The following N4BP2 variants were observed in gnomAD, a reference collection of about 807,000 sequenced individuals.
The protein encoded by N4BP2 is NEDD4 binding protein 2.
Under a neutral mutation model 152.8 loss-of-function variants are expected in N4BP2, and 91 were observed. The observed-to-expected ratio is 0.60, with a 90% CI of 0.50 to 0.71. N4BP2 has a LOEUF of 0.71. Among genes scored for constraint, N4BP2 ranks in the 30% least tolerant of loss-of-function variants. The probability of loss-of-function intolerance (pLI) is 0.00; values close to 1 mark genes in which losing one functional copy is unlikely to be tolerated. For synonymous variants in N4BP2, 646 were observed against 705.3 expected (o/e 0.92, Z 1.33); for missense variants, 1,923 against 2,059.1 (o/e 0.93, Z 1.28).
At chr4:40,163,445 A>G in the N4BP2 span, among the ~76,000 whole-genome samples, 2 of 152,214 alleles carry the variant, frequency 1.3e-5, no homozygotes, top group African/African-American at 4.8e-5. Context: ...AATCATGGCA[A>G]TGCCATTTCC....
intron 2 of N4BP2, chr4:40,083,094 G>T: frequency 5.6e-6 from 1 of 177,752 alleles, no homozygotes. Flanking sequence ...TCTGTATTAT[G>T]AAGCGGGGTT....
chr4:40,058,606 T>TC (rs1733406596), intron 1 of N4BP2, among the ~76,000 whole-genome samples: 1 of 152,196 alleles, frequency 6.6e-6, no homozygotes, highest in Non-Finnish European at 1.5e-5. Flanking sequence ...GTGTACTTGT[T>TC]GACTTTAGTT....
At chr4:40,093,720 G>A (rs1252155555) in intron 2 of N4BP2, among the ~76,000 whole-genome samples, 1 of 152,034 alleles carries the variant, frequency 6.6e-6, no homozygotes, top group Non-Finnish European at 1.5e-5. Context: ...GGGTTCAAAC[G>A]ATTCTCCTGC....
the N4BP2 span, among the ~76,000 whole-genome samples, chr4:40,174,631 T>G: frequency 1.3e-5 from 2 of 152,012 alleles, no homozygotes; most frequent in African/African-American, 4.8e-5. Flanking sequence ...GGTGAAACCC[T>G]GTCTCTACTA....
At chr4:40,175,342 A>G in the N4BP2 span, among the ~76,000 whole-genome samples, 2 of 122,716 alleles carry the variant, frequency 1.6e-5, no homozygotes, top group Non-Finnish European at 3.7e-5. Context: ...AATATAGAAA[A>G]AAAAAAAAAA....
chr4:40,084,048 C>G (rs368279259), intron 2 of N4BP2, among the ~76,000 whole-genome samples: 1 of 152,196 alleles, frequency 6.6e-6, no homozygotes, highest in Non-Finnish European at 1.5e-5. Context: ...CAACCTCCCC[C>G]TCCTGGGTTC....
intron 1 of N4BP2, among the ~76,000 whole-genome samples, chr4:40,061,227 T>G (rs1476462999): frequency 6.6e-6 from 1 of 152,056 alleles, no homozygotes; most frequent in African/African-American, 2.4e-5. Flanking sequence ...TGGAGTGCAG[T>G]GGCATAATCT....
At chr4:40,159,871 A>C (rs1033471265), downstream of N4BP2, among the ~76,000 whole-genome samples, 1 of 151,890 alleles carries the variant, frequency 6.6e-6, no homozygotes, top group Non-Finnish European at 1.5e-5. Context: ...AGGAAATCAC[A>C]GTTGTTGTTG....
Position 40,147,580 on chromosome 4 carries a change from T to C in N4BP2, c.5143+2780T>C, listed in dbSNP as rs971633556. On this transcript the variant is annotated intron_variant, in intron 16 of 17. Transcript: ENST00000261435. ...CTCCCGGACATGGCGGCTGGCCGGG[T>C]GGGGGCTGACCCCCCCACCTCCCTC... is the stretch of plus-strand genomic sequence containing the variant. Among the ~76,000 whole-genome samples, 32 of 132,258 alleles carry C rather than the reference T, an allele frequency of 2.4e-4. No homozygotes were observed. The East Asian group carries it at 6.2e-3, about 26-fold the overall frequency. The allele number at this position is 132,258 out of a possible 152,430, so 86.8% of individuals were successfully genotyped here.
intron 5 of N4BP2, 61 bp downstream of exon 5, chr4:40,107,085 T>A: frequency 6.4e-7 from 1 of 1,551,732 alleles, no homozygotes; most frequent in Non-Finnish European, 8.8e-7. Context: ...AAAATTCACT[T>A]AGTATTTGTT....
At chr4:40,087,285 A>G (rs1714070881) in intron 2 of N4BP2, among the ~76,000 whole-genome samples, 1 of 151,830 alleles carries the variant, frequency 6.6e-6, no homozygotes, top group Non-Finnish European at 1.5e-5. Flanking sequence ...AATTTTTTTT[A>G]AAGGAGGGGA....
chr4:40,142,203 C>T (rs940769840), intron 14 of N4BP2: 5 of 243,898 alleles, frequency 2.1e-5, no homozygotes, highest in African/African-American at 1.2e-4. Flanking sequence ...AGCCTCTGCA[C>T]TTATTCTCTT....
the N4BP2 span, among the ~76,000 whole-genome samples, chr4:40,172,284 T>A: frequency 6.6e-6 from 1 of 152,180 alleles, no homozygotes; most frequent in South Asian, 2.1e-4. Flanking sequence ...GGCAGCTGAT[T>A]AGATTGTGCC....
chr4:40,118,096 G>A (rs1006706260), intron 8 of N4BP2, 72 bp downstream of exon 8: 4 of 1,263,636 alleles, frequency 3.2e-6, no homozygotes, highest in Non-Finnish European at 4.2e-6. Context: ...TTTGGAGCTT[G>A]TGGAATCATT....
At position 40,156,697 on chromosome 4, in the gene N4BP2, T is replaced by G. The variant is rs1487795803; in HGVS notation, c.*2460T>G. On this transcript the variant is annotated 3_prime_UTR_variant, in exon 18 of 18. Coordinates refer to ENST00000261435, the MANE Select transcript of N4BP2 (RefSeq NM_018177.6). ...AAAGATAGTTTGGAGATTATAAAAA[T>G]TTTCATGTATTGGTGTAGGTTGAGT... The G allele has an allele frequency of 6.6e-6, 1 of 151,476 alleles. No individual in the cohort carries two copies. The highest frequency in any genetic ancestry group is 1.9e-4 in the East Asian group (1 of 5,200). 9.4% of individuals were successfully genotyped at this position (151,476 alleles called of 1,614,324 possible).
rs1553926171 is a variant in N4BP2, at chr4:40,136,379, T to TATCTATCTATCTATCTATCTATC, written c.4647-549_4647-548insATCTATCATCTATCTATCTATCT. The stretch of plus-strand genomic sequence containing the variant: ...CTATCTATCTATCTATCTATCTATC[T>TATCTATCTATCTATCTATCTATC]ATCTATCTATCTATCTTTTTTTTGA... On this transcript the variant is annotated intron_variant, in intron 13 of 17. Transcript: ENST00000261435. 2.6e-3 allele frequency among the ~76,000 whole-genome samples: 395 copies of TATCTATCTATCTATCTATCTATC among 150,354 alleles called. 2 individuals carry two copies. The highest frequency in any genetic ancestry group is 4.0e-3 in the Non-Finnish European group (268 of 67,616).
chr4:40,159,429 G>A (rs547592736), downstream of N4BP2, among the ~76,000 whole-genome samples: 22 of 152,110 alleles, frequency 1.4e-4, no homozygotes, highest in Non-Finnish European at 2.5e-4. Flanking sequence ...GACGCTTTTG[G>A]GAATCTAGGA....
intron 5 of N4BP2, among the ~76,000 whole-genome samples, chr4:40,107,969 G>A (rs1716483988): frequency 1.3e-5 from 2 of 151,262 alleles, no homozygotes. Context: ...TGTTGCCCTG[G>A]CTGCAGTGCA....
chr4:40,119,626 G>A (rs1717668894), intron 8 of N4BP2, among the ~76,000 whole-genome samples: 1 of 152,106 alleles, frequency 6.6e-6, no homozygotes, highest in African/African-American at 2.4e-5. Context: ...CAAATTCAGA[G>A]CTTTAACTTT....
Sources: gnomAD v4.1 joint callset for allele counts (sites outside exome capture counted in the v4.1 genomes callset) on GRCh38, gnomAD v4.1.1 for gene constraint, MANE v1.5 for transcripts, NCBI Gene and HGNC (gene_info 2026-07-23, HGNC 2026-07-21) for gene names.